The following CLDND1 variants were observed in gnomAD, a reference collection of about 807,000 sequenced individuals.
CLDND1 encodes the protein claudin domain containing 1.
In CLDND1, 13 loss-of-function variants were observed where a neutral mutation model predicts 26.3. That is an observed-to-expected ratio of 0.49 (90% CI 0.32 to 0.78). The LOEUF is 0.78. Ranked by LOEUF, CLDND1 falls within the 30% of genes least tolerant of loss-of-function variation. The pLI, the probability that CLDND1 is intolerant of heterozygous loss-of-function variation, is 0.03. For synonymous variants in CLDND1, 107 were observed against 107.0 expected (o/e 1.00, Z 0.00); for missense variants, 289 against 312.8 (o/e 0.92, Z 0.57).
rs370112101 is a variant in CLDND1 at position 98,516,670 on chromosome 3, G to A, written c.751C>T (p.Arg251Cys). The change falls in exon 5 of 5, where the codon CGT becomes TGT. Residue 251 changes from arginine (R) to cysteine (C), a missense_variant. By Grantham distance (180) the Arg-to-Cys change is radical (BLOSUM62 -3). Transcript: ENST00000341181. ...RKEYTLMKAY[R>C]VA ...AGGCAGTTTCTTGCTCATGCCACAC[G>A]ATATGCCTTCATTAAGGTGTACTCT... The A allele has an allele frequency of 1.2e-6, 2 of 1,614,050 alleles. No individual in the cohort carries two copies. Among genetic ancestry groups the A allele is most frequent in the African/African-American group, 1.3e-5 (1 of 75,026 alleles).
At chr3:98,522,405 C>T (rs1706460591) in intron 1 of CLDND1, 1 of 402,664 alleles carries the variant, frequency 2.5e-6, no homozygotes, top group Non-Finnish European at 3.5e-6. Context: ...AACAGACTCG[C>T]AAACTGGGGT....
rs373554752 is a variant in CLDND1 at position 98,517,128 on chromosome 3, A to C, written c.465T>G (p.Ala155=). Residue 155 remains alanine (A), a synonymous_variant, in exon 4 of 5, where the codon GCT becomes GCG. Coordinates refer to ENST00000341181, the MANE Select transcript of CLDND1 (RefSeq NM_001040181.2). ...FVSLGLMCFG[A]LIGLCACICR... Reference sequence around the variant, plus strand: ...AAATGCAAGCACAAAGTCCGATCAAAGCCCCAAAGCACATCAAACCTAAAC... The same window carrying C: ...AAATGCAAGCACAAAGTCCGATCAACGCCCCAAAGCACATCAAACCTAAAC... 8.1e-6 allele frequency: 13 copies of C among 1,614,108 alleles called. No homozygotes were observed. The highest frequency in any genetic ancestry group is 1.1e-5 in the South Asian group (1 of 91,092).
At chr3:98,522,565 A>T in intron 1 of CLDND1, 1 of 1,361,056 alleles carries the variant, frequency 7.3e-7, no homozygotes, top group Non-Finnish European at 9.4e-7. Context: ...AGCACTGGGA[A>T]CGGCGGTTCG....
rs1269644316 is a variant in CLDND1 at position 98,521,439 on chromosome 3, T to C, written c.-15A>G. On this transcript the variant is annotated 5_prime_UTR_variant, in exon 2 of 5. Coordinates refer to ENST00000341181, the MANE Select transcript of CLDND1 (RefSeq NM_001040181.2). ...CGGTTATCCATTCTGGCATTCAGAC[T>C]GCTCTGTTTAGAAGTTGAAGAAAGA... is the stretch of plus-strand genomic sequence containing the variant. The C allele has an allele frequency of 2.5e-6, 4 of 1,612,454 alleles. No individual in the cohort carries two copies. The highest frequency in any genetic ancestry group is 2.2e-5 in the South Asian group (2 of 91,006).
rs913359964 is a variant in CLDND1 at position 98,515,493 on chromosome 3, T to A, written c.*1166A>T. ...CTATATACAATTGAGTCTCTTTTCA[T>A]TTTTAATTTTATTTTTTAAAAAAGA... On this transcript the variant is annotated 3_prime_UTR_variant, in exon 5 of 5. Transcript: ENST00000341181. The A allele has an allele frequency of 1.3e-6, 1 of 745,104 alleles. No individual in the cohort carries two copies. The highest frequency in any genetic ancestry group is 1.7e-6 in the Non-Finnish European group (1 of 575,376). The allele number at this position is 745,104 out of a possible 1,614,324, so 46.2% of individuals were successfully genotyped here.
rs1203691493 is a variant in CLDND1, at chr3:98,521,217, GA to G, written c.207del (p.Arg70AspfsTer38). On this transcript the variant is annotated frameshift_variant, in exon 2 of 5. Transcript: ENST00000341181. LOFTEE classifies it high-confidence loss of function. ...ADEKTYNDAL[F>X]RYNGTVGLWR... ...CACAATCCCACTGTGCCATTGTATCGAAAAAGTGCATCATTATAAGTCTTTT... is the reference window on the plus strand; with the variant it reads ...CACAATCCCACTGTGCCATTGTATCGAAAAGTGCATCATTATAAGTCTTTT... The G allele has an allele frequency of 6.2e-7, 1 of 1,614,086 alleles. No individual in the cohort carries two copies. Among genetic ancestry groups the G allele is most frequent in the Non-Finnish European group, 8.5e-7 (1 of 1,179,992 alleles).
chr3:98,522,794 G>C (rs1209614609), intron 1 of CLDND1, 55 bp downstream of exon 1: 2 of 1,613,352 alleles, frequency 1.2e-6, no homozygotes, highest in Non-Finnish European at 1.7e-6. Context: ...AAACCGCCGG[G>C]AACATGGAAC....
rs879111946 is a variant in CLDND1, at chr3:98,521,781, G to A, written c.-18-339C>T. ...ACATGCCCATGGTCAGCAGTGTACC[G>A]TGCACACATTTTAAATTACAGACTG... On this transcript the variant is annotated intron_variant, in intron 1 of 4. Transcript: ENST00000341181. 1.2e-5 allele frequency: 15 copies of A among 1,217,110 alleles called. No individual in the cohort carries two copies. In the African/African-American group the frequency reaches 1.8e-4, roughly 15 times the overall value. 75.4% of individuals were successfully genotyped at this position (1,217,110 alleles called of 1,614,324 possible).
rs138604651 is a variant in CLDND1, at chr3:98,521,413, A to G, written c.12T>C (p.Arg4=). Reference sequence around the variant, plus strand: ...AAGCAATTACAAATGCTGTAGCAAAACGGTTATCCATTCTGGCATTCAGAC... The same window carrying G: ...AAGCAATTACAAATGCTGTAGCAAAGCGGTTATCCATTCTGGCATTCAGAC... The part of the protein sequence containing the change: MDN[R]FATAFVIACV... Residue 4 remains arginine (R), a synonymous_variant, in exon 2 of 5, where the codon CGT becomes CGC. Coordinates refer to ENST00000341181, the MANE Select transcript of CLDND1 (RefSeq NM_001040181.2). 8.7e-6 allele frequency: 14 copies of G among 1,613,928 alleles called. No homozygotes were observed. The African/African-American group carries it at 1.9e-4, about 22-fold the overall frequency.
Position 98,521,387 on chromosome 3 carries a change from C to G in CLDND1, c.38G>C (p.Cys13Ser). 6.2e-7 allele frequency: 1 copy of G among 1,614,178 alleles called. No homozygotes were observed. Reference sequence around the variant, plus strand: ...GATGGTGGAAATGAGGCTAAGCACACAAGCAATTACAAATGCTGTAGCAAA... The same window carrying G: ...GATGGTGGAAATGAGGCTAAGCACAGAAGCAATTACAAATGCTGTAGCAAA... ...NRFATAFVIA[C>S]VLSLISTIYM... The change falls in exon 2 of 5, where the codon TGT (cysteine) becomes TCT (serine). Residue 13 changes from cysteine (C) to serine (S), a missense_variant. Physicochemically the swap from Cys to Ser is moderately radical, Grantham distance 112 (BLOSUM62 -1). Coordinates refer to ENST00000341181, the MANE Select transcript of CLDND1 (RefSeq NM_001040181.2).
At chr3:98,521,017 T>C in intron 2 of CLDND1, 116 bp downstream of exon 2, 1 of 847,986 alleles carries the variant, frequency 1.2e-6, no homozygotes, top group South Asian at 1.7e-5. Flanking sequence ...CACGATTTAT[T>C]TCTTTAAGGA....
chr3:98,519,515 T>C (rs1706308160), intron 2 of CLDND1, among the ~76,000 whole-genome samples: 1 of 152,242 alleles, frequency 6.6e-6, no homozygotes, highest in Non-Finnish European at 1.5e-5. Context: ...TCACTTAACC[T>C]GAATTACTTC....
In CLDND1 at chr3:98,521,139, T is replaced by G. The variant is rs775423157; in HGVS notation, c.286A>C (p.Arg96=). Residue 96 remains arginine, a synonymous_variant, in exon 2 of 5, where the codon AGG becomes CGG. Transcript: ENST00000341181. ...GTTAAAATAAGAGAAATACCTGTCC[T>G]TTCTGGTGGGCTATACCAATGCATG... is the stretch of plus-strand genomic sequence containing the variant. ...KNMHWYSPPE[R]TESFDVVTKC... 5.0e-6 allele frequency: 8 copies of G among 1,608,452 alleles called. No homozygotes were observed. The African/African-American group carries it at 8.0e-5, about 16-fold the overall frequency.
chr3:98,522,682 C>T, intron 1 of CLDND1, 167 bp downstream of exon 1: 2 of 1,456,448 alleles, frequency 1.4e-6, no homozygotes, highest in Admixed American at 2.6e-5. Flanking sequence ...CAGGGTCCCC[C>T]GGTACCCGAC....
At chr3:98,522,563 G>A (rs1408417437) in intron 1 of CLDND1, 1 of 1,362,076 alleles carries the variant, frequency 7.3e-7, no homozygotes, top group African/African-American at 1.5e-5. Context: ...CCAGCACTGG[G>A]AACGGCGGTT....
rs775423157 is a variant in CLDND1 at position 98,521,139 on chromosome 3, T to C, written c.286A>G (p.Arg96Gly). ...GTTAAAATAAGAGAAATACCTGTCC[T>C]TTCTGGTGGGCTATACCAATGCATG... Reference protein sequence around the residue: ...KNMHWYSPPERTESFDVVTKC... With the variant: ...KNMHWYSPPEGTESFDVVTKC... The change falls in exon 2 of 5, where the codon AGG becomes GGG. Residue 96 changes from arginine (R) to glycine (G), a missense_variant. By Grantham distance (125) the Arg-to-Gly change is moderately radical (BLOSUM62 -2). Coordinates refer to ENST00000341181, the MANE Select transcript of CLDND1 (RefSeq NM_001040181.2). 2 of 1,608,570 alleles carry C rather than the reference T, an allele frequency of 1.2e-6. No homozygotes were observed. The highest frequency in any genetic ancestry group is 1.1e-5 in the South Asian group (1 of 90,910).
Position 98,522,879 on chromosome 3 carries a change from C to T in CLDND1, c.-49G>A. On this transcript the variant is annotated 5_prime_UTR_variant, in exon 1 of 5. Transcript: ENST00000341181. ...ATCCTCCTGCTCCGCCAGCTTCACC[C>T]TCTAGCTCAGACCACAGCACCCTAC... 1.2e-6 allele frequency: 2 copies of T among 1,613,704 alleles called. No individual in the cohort carries two copies. The highest frequency in any genetic ancestry group is 8.5e-7 in the Non-Finnish European group (1 of 1,179,692).
At chr3:98,520,350 A>G (rs1378609047) in intron 2 of CLDND1, among the ~76,000 whole-genome samples, 1 of 152,218 alleles carries the variant, frequency 6.6e-6, no homozygotes, top group Non-Finnish European at 1.5e-5. Flanking sequence ...ATACAGTGAC[A>G]TATTATCATC....
intron 3 of CLDND1, among the ~76,000 whole-genome samples, chr3:98,517,998 ACAAAG>A (rs1576268501): frequency 6.6e-6 from 1 of 152,226 alleles, no homozygotes; most frequent in Non-Finnish European, 1.5e-5. Context: ...TATATAAAGC[ACAAAG>A]CAGAGAATCT....
Sources: allele counts gnomAD v4.1 joint callset (sites outside exome capture counted in the v4.1 genomes callset), GRCh38; gene constraint gnomAD v4.1.1; transcripts MANE v1.5; gene names NCBI Gene and HGNC (gene_info 2026-07-23, HGNC 2026-07-21).